AGBL4: variants seen among roughly 807,000 people sequenced by gnomAD.
AGBL4 encodes cytosolic carboxypeptidase 6.
A neutral mutation model predicts 66.4 loss-of-function variants in AGBL4; 58 were observed. The ratio of observed to expected loss-of-function variants is 0.87; its 90% CI spans 0.71 to 1.09. AGBL4 has a LOEUF of 1.09. AGBL4 is among the 50% of genes least tolerant of loss of function. AGBL4 has a pLI of 0.00. For synonymous variants in AGBL4, 234 were observed against 222.9 expected (o/e 1.05, Z -0.44); for missense variants, 579 against 631.0 (o/e 0.92, Z 0.88).
chr1:49,239,964 T>A (rs1651089076), intron 4 of AGBL4, among the ~76,000 whole-genome samples: 1 of 152,022 alleles, frequency 6.6e-6, no homozygotes, highest in Admixed American at 6.6e-5. Flanking sequence ...ATGACTTTTT[T>A]TAGCTATGAG....
In AGBL4 at chr1:49,759,926, G is replaced by A. The variant is rs1390466633; in HGVS notation, c.158-62489C>T. 2.6e-5 allele frequency among the ~76,000 whole-genome samples: 4 copies of A among 152,136 alleles called. No individual in the cohort carries two copies. The East Asian group carries it at 7.7e-4, about 29-fold the overall frequency. ...TAGATAAATCCATAATGACAGGAAG[G>A]AAATCAAGTGATTGCCAAAGGCTGG... On this transcript the variant is annotated intron_variant, in intron 2 of 13. Transcript: ENST00000371839.
chr1:48,714,122 C>T (rs1647010029), intron 6 of AGBL4, among the ~76,000 whole-genome samples: 1 of 152,210 alleles, frequency 6.6e-6, no homozygotes, highest in Non-Finnish European at 1.5e-5. Flanking sequence ...TGGACAGACC[C>T]TGAGAGGCCC....
rs1344354943 is a variant in AGBL4 at position 49,015,567 on chromosome 1, C to T, written c.594+30017G>A. Among the ~76,000 whole-genome samples the T allele has an allele frequency of 2.6e-5, 4 of 151,690 alleles. No homozygotes were observed. The South Asian group carries it at 6.3e-4, about 24-fold the overall frequency. Reference sequence around the variant, plus strand: ...CTTCCTGAGTAGCTGGGACTACAGGCGCCCGCCACCACGCCTGGCTAATTT... The same window carrying T: ...CTTCCTGAGTAGCTGGGACTACAGGTGCCCGCCACCACGCCTGGCTAATTT... On this transcript the variant is annotated intron_variant, in intron 5 of 13. Coordinates refer to ENST00000371839, the MANE Select transcript of AGBL4 (RefSeq NM_032785.4).
chr1:48,774,544 AAACTGGCAC>A (rs1427779069), intron 6 of AGBL4, among the ~76,000 whole-genome samples: 1 of 152,242 alleles, frequency 6.6e-6, no homozygotes, highest in Non-Finnish European at 1.5e-5. Context: ...CAACTAATTC[AAACTGGCAC>A]ACTTCTTTGA....
chr1:49,712,069 A>G (rs1353841761), intron 2 of AGBL4, among the ~76,000 whole-genome samples: 1 of 152,004 alleles, frequency 6.6e-6, no homozygotes, highest in African/African-American at 2.4e-5. Flanking sequence ...CTAGAAGAGT[A>G]TTTGTCAAAT....
chr1:49,831,936 C>T (rs1027536351), intron 2 of AGBL4, among the ~76,000 whole-genome samples: 2 of 151,464 alleles, frequency 1.3e-5, no homozygotes, highest in East Asian at 1.9e-4. Context: ...GTTGAACCAG[C>T]CTTGCATCTC....
At chr1:48,956,396 A>G (rs181512828) in intron 5 of AGBL4, among the ~76,000 whole-genome samples, 1 of 152,378 alleles carries the variant, frequency 6.6e-6, no homozygotes, top group East Asian at 1.9e-4. Flanking sequence ...GATAAGCACT[A>G]TATTTTAAAA....
intron 1 of AGBL4, among the ~76,000 whole-genome samples, chr1:49,922,984 A>G (rs1196602318): frequency 6.6e-6 from 1 of 152,168 alleles, no homozygotes; most frequent in Non-Finnish European, 1.5e-5. Context: ...ATTCTTAGGG[A>G]ACCAAAAAAA....
intron 3 of AGBL4, among the ~76,000 whole-genome samples, chr1:49,302,674 T>C (rs1036803837): frequency 7.0e-6 from 1 of 143,110 alleles, no homozygotes; most frequent in African/African-American, 2.8e-5. Context: ...TTTTATTTTA[T>C]TTTATATTCC....
At chr1:49,637,181 T>C (rs1483727927) in intron 3 of AGBL4, among the ~76,000 whole-genome samples, 1 of 152,228 alleles carries the variant, frequency 6.6e-6, no homozygotes, top group Non-Finnish European at 1.5e-5. Context: ...GATGTTGTTA[T>C]TGTGTGAGTT....
At chr1:48,629,334 A>T (rs1404682376) in intron 9 of AGBL4, among the ~76,000 whole-genome samples, 1 of 152,132 alleles carries the variant, frequency 6.6e-6, no homozygotes. Flanking sequence ...GTACTAGGAG[A>T]AAGCCAAACT....
intron 5 of AGBL4, among the ~76,000 whole-genome samples, chr1:48,984,654 C>A (rs1571160861): frequency 6.6e-6 from 1 of 151,380 alleles, no homozygotes; most frequent in East Asian, 2.0e-4. Context: ...AAACAGATAC[C>A]TACTATCTTA....
chr1:49,394,546 T>C (rs557159618), intron 3 of AGBL4, among the ~76,000 whole-genome samples: 1 of 152,180 alleles, frequency 6.6e-6, no homozygotes, highest in South Asian at 2.1e-4. Flanking sequence ...ATGGTTAATA[T>C]TTTAAAACTT....
chr1:48,693,111 T>C (rs1646658846), intron 6 of AGBL4, among the ~76,000 whole-genome samples: 1 of 152,188 alleles, frequency 6.6e-6, no homozygotes, highest in African/African-American at 2.4e-5. Flanking sequence ...CATTTCTTTG[T>C]ATATTCAAAG....
chr1:49,092,471 C>G (rs957311427), intron 4 of AGBL4, among the ~76,000 whole-genome samples: 3 of 152,112 alleles, frequency 2.0e-5, no homozygotes, highest in Non-Finnish European at 2.9e-5. Context: ...CCTCAACAAA[C>G]TTGCTTCTAC....
chr1:49,083,687 T>C (rs1644847717), intron 4 of AGBL4, among the ~76,000 whole-genome samples: 2 of 152,220 alleles, frequency 1.3e-5, no homozygotes. Context: ...CCTCGTTATT[T>C]ATGCAAATTT....
At chr1:49,286,096 G>A (rs1053148732) in intron 3 of AGBL4, among the ~76,000 whole-genome samples, 1 of 152,064 alleles carries the variant, frequency 6.6e-6, no homozygotes, top group Non-Finnish European at 1.5e-5. Flanking sequence ...TATAAACAGA[G>A]CCAAAGACAA....
chr1:49,077,643 G>A (rs1242028269), intron 4 of AGBL4, among the ~76,000 whole-genome samples: 2 of 152,076 alleles, frequency 1.3e-5, no homozygotes, highest in Admixed American at 6.6e-5. Context: ...CTCATTCTTT[G>A]ACCAAACAGT....
intron 3 of AGBL4, among the ~76,000 whole-genome samples, chr1:49,354,268 A>G (rs1643972077): frequency 6.6e-6 from 1 of 152,214 alleles, no homozygotes; most frequent in Admixed American, 6.5e-5. Flanking sequence ...CCCATGAGGG[A>G]GTTAGGGAAC....
Sources: gnomAD v4.1 joint callset for allele counts (sites outside exome capture counted in the v4.1 genomes callset) on GRCh38, gnomAD v4.1.1 for gene constraint, MANE v1.5 for transcripts, NCBI Gene and HGNC (gene_info 2026-07-23, HGNC 2026-07-21) for gene names.